The following NAT10 variants were observed in gnomAD, a reference collection of about 807,000 sequenced individuals.
The protein encoded by NAT10 is RNA cytidine acetyltransferase.
A neutral mutation model predicts 132.2 loss-of-function variants in NAT10; 109 were observed. That is an observed-to-expected ratio of 0.82 (90% CI 0.71 to 0.97). NAT10 has a LOEUF of 0.97. Among genes scored for constraint, NAT10 ranks in the 50% least tolerant of loss-of-function variants. The probability of loss-of-function intolerance (pLI) is 0.00; values close to 1 mark genes in which losing one functional copy is unlikely to be tolerated. For missense variants in NAT10, 1,184 were observed against 1,263.4 expected (o/e 0.94, Z 0.95); for synonymous variants, 479 against 478.0 (o/e 1.00, Z -0.03).
intron 1 of NAT10, 32 bp from the exon 2 acceptor site, chr11:34,108,179 C>T (rs370170245): frequency 1.3e-4 from 193 of 1,447,622 alleles, no homozygotes; most frequent in Non-Finnish European, 1.6e-4. Context: ...CAATCTAGTG[C>T]GCATGGCCAG....
chr11:34,118,288 G>A lies in NAT10; in HGVS notation c.666G>A (p.Gln222=). ...HVATMEALPP[Q]TPDESLGPSD... ...CCACCATGGAGGCCCTGCCTCCCCAGACTCCGGTGAGTCTGTGCTGGGGTC... is the reference window on the plus strand; with the variant it reads ...CCACCATGGAGGCCCTGCCTCCCCAAACTCCGGTGAGTCTGTGCTGGGGTC... Residue 222 remains glutamine (Q), a synonymous_variant, in exon 7 of 29, where the codon CAG becomes CAA. Coordinates refer to ENST00000257829, the MANE Select transcript of NAT10 (RefSeq NM_024662.3). 6.2e-7 allele frequency: 1 copy of A among 1,613,964 alleles called. No individual in the cohort carries two copies. The highest frequency in any genetic ancestry group is 8.5e-7 in the Non-Finnish European group (1 of 1,179,836).
At chr11:34,141,849 A>G (rs1195085833) in intron 26 of NAT10, 32 bp downstream of exon 26, 1 of 1,572,038 alleles carries the variant, frequency 6.4e-7, no homozygotes, top group Non-Finnish European at 8.7e-7. Context: ...CGGGAGTCCC[A>G]GCATTTCCAT....
At chr11:34,137,517 G>T (rs1852238738) in intron 21 of NAT10, among the ~76,000 whole-genome samples, 1 of 152,158 alleles carries the variant, frequency 6.6e-6, no homozygotes, top group East Asian at 1.9e-4. Flanking sequence ...TGGAGGTAGG[G>T]AAGTTTGGGG....
At chr11:34,119,223 T>G (rs1851841311) in intron 8 of NAT10, among the ~76,000 whole-genome samples, 1 of 152,224 alleles carries the variant, frequency 6.6e-6, no homozygotes, top group South Asian at 2.1e-4. Context: ...TGGTGGTTCC[T>G]GGGCCATGAT....
At chr11:34,111,461 G>C (rs931616064) in intron 3 of NAT10, among the ~76,000 whole-genome samples, 1 of 152,238 alleles carries the variant, frequency 6.6e-6, no homozygotes, top group Non-Finnish European at 1.5e-5. Flanking sequence ...AAGGTAAGTA[G>C]CAACTGGATA....
At chr11:34,112,305 T>A (rs1565106725) in intron 4 of NAT10, 82 bp downstream of exon 4, 2 of 1,523,986 alleles carry the variant, frequency 1.3e-6, no homozygotes, top group East Asian at 2.3e-5. Context: ...TGGGAACAGA[T>A]GTACAGTAAG....
chr11:34,123,069 A>G (rs1216837895), intron 9 of NAT10, among the ~76,000 whole-genome samples: 1 of 152,224 alleles, frequency 6.6e-6, no homozygotes, highest in Non-Finnish European at 1.5e-5. Flanking sequence ...GCAGCTGCCA[A>G]TAGAGTATGT....
At chr11:34,111,428 TA>T (rs1267763292) in intron 3 of NAT10, among the ~76,000 whole-genome samples, 4 of 152,254 alleles carry the variant, frequency 2.6e-5, no homozygotes, top group Non-Finnish European at 5.9e-5. Flanking sequence ...TAGAACATTC[TA>T]ATTCTCTCTT....
At chr11:34,123,067 C>T (rs570259725) in intron 9 of NAT10, among the ~76,000 whole-genome samples, 6 of 152,140 alleles carry the variant, frequency 3.9e-5, no homozygotes, top group Non-Finnish European at 7.4e-5. Flanking sequence ...ATGCAGCTGC[C>T]AATAGAGTAT....
intron 12 of NAT10, among the ~76,000 whole-genome samples, chr11:34,129,967 T>G (rs1043042988): frequency 6.6e-6 from 1 of 152,202 alleles, no homozygotes; most frequent in Non-Finnish European, 1.5e-5. Flanking sequence ...TTGCTTGTGC[T>G]TACTCTTTTT....
chr11:34,108,146 G>T, intron 1 of NAT10, 65 bp from the exon 2 acceptor site: 2 of 1,111,034 alleles, frequency 1.8e-6, no homozygotes, highest in Non-Finnish European at 2.7e-6. Flanking sequence ...CCCACAAAAG[G>T]CAGCCAGCTA....
At chr11:34,141,866 C>T in intron 26 of NAT10, 49 bp downstream of exon 26, 1 of 1,497,666 alleles carries the variant, frequency 6.7e-7, no homozygotes, top group Non-Finnish European at 9.3e-7. Context: ...CCATCAGTTG[C>T]CTTAGGCTGT....
chr11:34,113,372 G>A (rs1043088341), intron 4 of NAT10, among the ~76,000 whole-genome samples: 11 of 152,020 alleles, frequency 7.2e-5, no homozygotes, highest in Admixed American at 3.9e-4. Context: ...CCAGGTATTC[G>A]TATATTCGAG....
At chr11:34,114,687 A>G (rs1012952755) in intron 5 of NAT10, among the ~76,000 whole-genome samples, 1 of 152,072 alleles carries the variant, frequency 6.6e-6, no homozygotes, top group Non-Finnish European at 1.5e-5. Context: ...TCCTCATTGC[A>G]TTCAAGCCCC....
chr11:34,124,441 C>A, intron 11 of NAT10, 41 bp downstream of exon 11: 1 of 1,438,950 alleles, frequency 6.9e-7, no homozygotes, highest in Non-Finnish European at 9.7e-7. Context: ...GGGCCAGTGT[C>A]TTGCTGTATT....
chr11:34,114,615 G>C (rs1195875395), intron 5 of NAT10, among the ~76,000 whole-genome samples: 2 of 152,128 alleles, frequency 1.3e-5, no homozygotes, highest in Non-Finnish European at 2.9e-5. Flanking sequence ...ACTCCTGCGA[G>C]GGCCTCGGCA....
rs1309331927 is a variant in NAT10 at position 34,142,340 on chromosome 11, CCT to C, written c.2882_2883del (p.Ser961Ter). ...AAGTAGGGAAGCTGAAGAGCATGGACCTCTCTGAGTAAGGCTTGTGGGAAGCA... is the reference window on the plus strand; with the variant it reads ...AAGTAGGGAAGCTGAAGAGCATGGACCTCTGAGTAAGGCTTGTGGGAAGCA... ...KEVGKLKSMD[L>X]SEYIIRGDDE... On this transcript the variant is annotated frameshift_variant, in exon 27 of 29. Transcript: ENST00000257829. LOFTEE classifies it high-confidence loss of function. The C allele has an allele frequency of 1.2e-6, 2 of 1,614,034 alleles. No homozygotes were observed. The highest frequency in any genetic ancestry group is 1.1e-5 in the South Asian group (1 of 91,078).
At chr11:34,118,598 C>A in intron 8 of NAT10, 95 bp downstream of exon 8, 1 of 933,502 alleles carries the variant, frequency 1.1e-6, no homozygotes, top group Non-Finnish European at 1.6e-6. Context: ...AAGACCCAGA[C>A]CCTCCCTGGA....
At chr11:34,142,662 T>C (rs929802454) in intron 27 of NAT10, among the ~76,000 whole-genome samples, 1 of 152,198 alleles carries the variant, frequency 6.6e-6, no homozygotes, top group South Asian at 2.1e-4. Context: ...AATGGTTACT[T>C]ACTCTATTTG....
Sources: allele counts gnomAD v4.1 joint callset (sites outside exome capture counted in the v4.1 genomes callset), GRCh38; gene constraint gnomAD v4.1.1; transcripts MANE v1.5; gene names NCBI Gene and HGNC (gene_info 2026-07-23, HGNC 2026-07-21).